Variants in KIF24 observed in about 807,000 individuals in gnomAD.
The protein encoded by KIF24 is kinesin-like protein KIF24.
In KIF24, 81 loss-of-function variants were observed where a neutral mutation model predicts 118.9. That is an observed-to-expected ratio of 0.68 (90% confidence interval 0.57 to 0.82). KIF24 has a LOEUF of 0.82. KIF24 is among the 40% of genes least tolerant of loss of function. KIF24 has a pLI of 0.00. For synonymous variants in KIF24, 599 were observed against 610.0 expected (o/e 0.98, Z 0.27); for missense variants, 1,560 against 1,661.6 (o/e 0.94, Z 1.06).
chr9:34,316,488 A>G (rs1563963517), intron 1 of KIF24, among the ~76,000 whole-genome samples: 6 of 152,176 alleles, frequency 3.9e-5, no homozygotes. Flanking sequence ...AGTAATGGCA[A>G]CATCCTCAGG....
chr9:34,298,266 C>T (rs536760556), intron 3 of KIF24, among the ~76,000 whole-genome samples: 16 of 152,082 alleles, frequency 1.1e-4, no homozygotes, highest in African/African-American at 3.6e-4. Context: ...AAACAGAGGC[C>T]GGGCGCAGTG....
chr9:34,266,752 G>C (rs188251468), intron 8 of KIF24, among the ~76,000 whole-genome samples: 63 of 152,016 alleles, frequency 4.1e-4, no homozygotes, highest in African/African-American at 1.5e-3. Context: ...CTGATTCGAG[G>C]TCTGGAGAGG....
chr9:34,320,316 C>T (rs1283420017), intron 1 of KIF24, among the ~76,000 whole-genome samples: 1 of 126,568 alleles, frequency 7.9e-6, no homozygotes, highest in African/African-American at 2.9e-5. Flanking sequence ...TTTTTCTTTT[C>T]AATAAAATGT....
At position 34,259,363 on chromosome 9, in the gene KIF24, C is replaced by T. The variant is rs528336759; in HGVS notation, c.1625+233G>A. Among the ~76,000 whole-genome samples the T allele has an allele frequency of 2.5e-4, 38 of 152,350 alleles. No individual in the cohort carries two copies. In the South Asian group the frequency reaches 2.7e-3, roughly 11 times the overall value. On this transcript the variant is annotated intron_variant, in intron 10 of 12. Coordinates refer to ENST00000402558, the MANE Select transcript of KIF24 (RefSeq NM_194313.4). The stretch of plus-strand genomic sequence containing the variant: ...CCTGAACAAGGGAATGTGTCATTTT[C>T]CTCTTGTCATGCTTGCAAAGTGACA...
chr9:34,302,862 G>A (rs1481060376), intron 3 of KIF24, among the ~76,000 whole-genome samples: 4 of 140,458 alleles, frequency 2.8e-5, no homozygotes, highest in Admixed American at 7.3e-5. Context: ...TGCAAGCTCC[G>A]CCTCCCGGGT....
Position 34,252,928 on chromosome 9 carries a change from A to ATGAT in KIF24, c.*1448_*1451dup, listed in dbSNP as rs960394890. ...GCTCTCAGTGGTGCTGTTGTATATG[A>ATGAT]TGATAGAATAGGGTTCATTCCTAAA... On this transcript the variant is annotated 3_prime_UTR_variant, in exon 13 of 13. Coordinates refer to ENST00000402558, the MANE Select transcript of KIF24 (RefSeq NM_194313.4). The ATGAT allele has an allele frequency of 1.3e-5, 2 of 152,058 alleles. No individual in the cohort carries two copies. Among genetic ancestry groups the ATGAT allele is most frequent in the South Asian group, 2.1e-4 (1 of 4,834 alleles). 9.4% of individuals were successfully genotyped at this position (152,058 alleles called of 1,614,324 possible).
intron 9 of KIF24, among the ~76,000 whole-genome samples, chr9:34,262,700 A>ATG (rs1835135823): frequency 1.3e-5 from 1 of 79,962 alleles, no homozygotes; most frequent in Non-Finnish European, 2.3e-5. Context: ...ATATATATAT[A>ATG]TATATATATA....
At chr9:34,264,476 G>A (rs1835209936) in intron 8 of KIF24, among the ~76,000 whole-genome samples, 2 of 151,420 alleles carry the variant, frequency 1.3e-5, no homozygotes, top group South Asian at 4.2e-4. Context: ...GCAATCCCTT[G>A]GAATTGCCAC....
Position 34,257,008 on chromosome 9 carries a change from T to C in KIF24, c.2599A>G (p.Lys867Glu). 6.2e-7 allele frequency: 1 copy of C among 1,614,024 alleles called. No homozygotes were observed. The highest frequency in any genetic ancestry group is 8.5e-7 in the Non-Finnish European group (1 of 1,179,898). ...CTCTGCTGTCTTTCTGCCACCTGCTTCTCAGGACCCTGTCCCCACGTCTGG... is the reference window on the plus strand; with the variant it reads ...CTCTGCTGTCTTTCTGCCACCTGCTCCTCAGGACCCTGTCCCCACGTCTGG... Reference protein sequence around the residue: ...LHQTWGQGPEKQVAERQQSLF... With the variant: ...LHQTWGQGPEEQVAERQQSLF... Residue 867 changes from lysine to glutamate, a missense_variant, in exon 11 of 13, where the codon AAG becomes GAG. Physicochemically the swap from Lys to Glu is moderately conservative, Grantham distance 56. This residue lies in a region of KIF24 where 591 missense variants were observed against 655.6 expected (regional missense o/e 0.90). Transcript: ENST00000402558.
At chr9:34,312,708 GT>G (rs908982340) in intron 1 of KIF24, among the ~76,000 whole-genome samples, 2 of 151,744 alleles carry the variant, frequency 1.3e-5, no homozygotes, top group African/African-American at 2.4e-5. Flanking sequence ...TGGTAGATTT[GT>G]TTTTTTTGAG....
At chr9:34,314,830 G>T (rs1837283544) in intron 1 of KIF24, among the ~76,000 whole-genome samples, 1 of 152,174 alleles carries the variant, frequency 6.6e-6, no homozygotes, top group African/African-American at 2.4e-5. Context: ...AATGCTATGA[G>T]ACAATTACAA....
rs901786403 is a variant in KIF24 at position 34,252,684 on chromosome 9, T to G, written c.*1696A>C. 1 of 152,184 alleles carries G rather than the reference T, an allele frequency of 6.6e-6. No homozygotes were observed. Among genetic ancestry groups the G allele is most frequent in the Admixed American group, 6.5e-5 (1 of 15,274 alleles). 9.4% of individuals were successfully genotyped at this position (152,184 alleles called of 1,614,324 possible). A position where few individuals can be genotyped will look rare whatever the true frequency, so the allele number is the denominator to read the frequency against. On this transcript the variant is annotated 3_prime_UTR_variant, in exon 13 of 13. Coordinates refer to ENST00000402558, the MANE Select transcript of KIF24 (RefSeq NM_194313.4). Reference sequence around the variant, plus strand: ...TCTTCCCACTTCAGACCTGTCCTCGTTTTTGGTTTGCAAAGGCAAGCCTAG... The same window carrying G: ...TCTTCCCACTTCAGACCTGTCCTCGGTTTTGGTTTGCAAAGGCAAGCCTAG...
Position 34,281,706 on chromosome 9 carries a change from C to T in KIF24, c.1215+4911G>A, listed in dbSNP as rs958036263. Among the ~76,000 whole-genome samples, 5 of 152,264 alleles carry T rather than the reference C, an allele frequency of 3.3e-5. No homozygotes were observed. In the East Asian group the frequency reaches 9.6e-4, roughly 29 times the overall value. On this transcript the variant is annotated intron_variant, in intron 6 of 12. Coordinates refer to ENST00000402558, the MANE Select transcript of KIF24 (RefSeq NM_194313.4). ...ATTCGCTGGAGGCATTTCTACAATG[C>T]CAAACCTGACTGCTTTCCCTGGTCT...
At chr9:34,275,480 C>A (rs1246088088) in intron 6 of KIF24, among the ~76,000 whole-genome samples, 1 of 151,796 alleles carries the variant, frequency 6.6e-6, no homozygotes, top group Non-Finnish European at 1.5e-5. Flanking sequence ...AGGTAGGGAT[C>A]GCTTGGGCCC....
chr9:34,270,385 G>A (rs951343552), intron 7 of KIF24, among the ~76,000 whole-genome samples: 3 of 150,866 alleles, frequency 2.0e-5, no homozygotes, highest in Non-Finnish European at 3.0e-5. Flanking sequence ...GCGTGGTGGC[G>A]GGTGCCTGTA....
chr9:34,257,299 G>C lies in KIF24; in HGVS notation c.2308C>G (p.Gln770Glu). 6.2e-7 allele frequency: 1 copy of C among 1,614,064 alleles called. No individual in the cohort carries two copies. Among genetic ancestry groups the C allele is most frequent in the East Asian group, 2.2e-5 (1 of 44,884 alleles). The change falls in exon 11 of 13, where the codon CAG becomes GAG. Residue 770 changes from glutamine to glutamate, a missense_variant. Gln to Glu is a conservative substitution (Grantham distance 29). This residue lies in a region of KIF24 where 964 missense variants were observed against 988.0 expected (regional missense o/e 0.98). Transcript: ENST00000402558. The stretch of plus-strand genomic sequence containing the variant: ...TGGAGGAGAGGTGGCTGTTGGAACT[G>C]CTGGTGATAGAAACGCAGATGTTCC... Reference protein sequence around the residue: ...REEHLRFYHQQFQQPPLLQQK... With the variant: ...REEHLRFYHQEFQQPPLLQQK...
chr9:34,299,118 T>C (rs1456233953), intron 3 of KIF24, among the ~76,000 whole-genome samples: 2 of 151,918 alleles, frequency 1.3e-5, no homozygotes, highest in Non-Finnish European at 2.9e-5. Context: ...AAAATATACA[T>C]ACATATATAT....
At chr9:34,280,006 C>A (rs11788122) in intron 6 of KIF24, among the ~76,000 whole-genome samples, 6 of 151,628 alleles carry the variant, frequency 4.0e-5, no homozygotes, top group Admixed American at 6.6e-5. Context: ...CAGTGCCGGC[C>A]GGGCGCGGTG....
chr9:34,306,075 C>T (rs1300630242), intron 3 of KIF24, among the ~76,000 whole-genome samples, 177 bp downstream of exon 3: 1 of 152,032 alleles, frequency 6.6e-6, no homozygotes, highest in Non-Finnish European at 1.5e-5. Context: ...AAAATGAAGG[C>T]CCTGGATATC....
Sources: gnomAD v4.1 joint callset for allele counts (sites outside exome capture counted in the v4.1 genomes callset) on GRCh38, gnomAD v4.1.1 for gene constraint, gnomAD v4.1.1 regional missense constraint, MANE v1.5 for transcripts, NCBI Gene and HGNC (gene_info 2026-07-23, HGNC 2026-07-21) for gene names.